ARFGAP2: variants seen among roughly 807,000 people sequenced by gnomAD.
The protein encoded by ARFGAP2 is ADP-ribosylation factor GTPase-activating protein 2.
In ARFGAP2, 45 loss-of-function variants were observed where a neutral mutation model predicts 71.9. The observed-to-expected ratio is 0.63, with a 90% CI of 0.49 to 0.80. ARFGAP2 has a LOEUF of 0.80. ARFGAP2 is among the 30% of genes least tolerant of loss of function. The pLI is 0.00. For missense variants in ARFGAP2, 633 were observed against 673.9 expected (o/e 0.94, Z 0.67); for synonymous variants, 248 against 249.2 (o/e 1.00, Z 0.05).
intron 5 of ARFGAP2, chr11:47,174,071 C>T: frequency 1.4e-6 from 1 of 720,980 alleles, no homozygotes; most frequent in Non-Finnish European, 2.2e-6. Flanking sequence ...AGCCCATTCT[C>T]CTAACTTAAA....
rs1409113356 is a variant in ARFGAP2, at chr11:47,176,821, C to T, written c.33G>A (p.Gln11=). The change falls in exon 1 of 16, where the codon CAG becomes CAA. Residue 11 remains glutamine, a synonymous_variant. Coordinates refer to ENST00000524782, the MANE Select transcript of ARFGAP2 (RefSeq NM_032389.6). MAAEPNKTEI[Q]TLFKRLRAVP... ...CTGCGCGAAGCCTCTTAAAAAGAGT[C>T]TGGATTTCGGTCTTGTTCGGCTCCG... 6.2e-7 allele frequency: 1 copy of T among 1,613,906 alleles called. No individual in the cohort carries two copies. Among genetic ancestry groups the T allele is most frequent in the African/African-American group, 1.3e-5 (1 of 74,948 alleles).
chr11:47,176,563 G>A lies in ARFGAP2; in HGVS notation c.144C>T (p.Asp48=), dbSNP rs774712629. The part of the protein sequence containing the change: ...SITYGVFLCI[D]CSGVHRSLGV... ...CCAGGGAGCGGTGCACCCCGGAACAGTCAATGCACAAGAAAACACCGTACG... is the reference window on the plus strand; with the variant it reads ...CCAGGGAGCGGTGCACCCCGGAACAATCAATGCACAAGAAAACACCGTACG... Residue 48 remains aspartate (D), a synonymous_variant, in exon 2 of 16, where the codon GAC becomes GAT. Transcript: ENST00000524782. 1.7e-5 allele frequency: 27 copies of A among 1,613,910 alleles called. No individual in the cohort carries two copies. In the African/African-American group the frequency reaches 1.7e-4, roughly 10 times the overall value.
At chr11:47,171,323 T>C in intron 10 of ARFGAP2, 103 bp downstream of exon 10, 1 of 1,538,490 alleles carries the variant, frequency 6.5e-7, no homozygotes, top group East Asian at 2.2e-5. Flanking sequence ...CTATTCAGAC[T>C]TGGAGAAACA....
chr11:47,173,317 C>A, intron 7 of ARFGAP2, 109 bp downstream of exon 7: 1 of 1,249,846 alleles, frequency 8.0e-7, no homozygotes, highest in South Asian at 1.3e-5. Context: ...GATAGATGCT[C>A]AGTCTCCTGT....
chr11:47,172,406 A>G, intron 7 of ARFGAP2, 73 bp from the exon 8 acceptor site: 1 of 1,529,078 alleles, frequency 6.5e-7, no homozygotes. Flanking sequence ...TACACCATGC[A>G]GCTTCATGGC....
At chr11:47,172,554 TGAAGCACCAGAGACGTCC>T (rs962823318) in intron 7 of ARFGAP2, among the ~76,000 whole-genome samples, 19 of 152,136 alleles carry the variant, frequency 1.2e-4, no homozygotes, top group African/African-American at 3.4e-4. Flanking sequence ...AACCTAGACC[TGAAGCACCAGAGACGTCC>T]GAAGCACCAG....
chr11:47,175,895 A>G lies in ARFGAP2; in HGVS notation c.220T>C (p.Trp74Arg). The change falls in exon 3 of 16, where the codon TGG (tryptophan) becomes CGG (arginine). Residue 74 changes from tryptophan to arginine, a missense_variant. By Grantham distance (101) the Trp-to-Arg change is moderately radical. Coordinates refer to ENST00000524782, the MANE Select transcript of ARFGAP2 (RefSeq NM_032389.6). Reference sequence around the variant, plus strand: ...ACCTGCATACACCTCAGCTGGAACCAGTTCCAGTTGGAATCCAACTCTGTG... The same window carrying G: ...ACCTGCATACACCTCAGCTGGAACCGGTTCCAGTTGGAATCCAACTCTGTG... ...RSTELDSNWN[W>R]FQLRCMQVGG... 6.2e-7 allele frequency: 1 copy of G among 1,614,146 alleles called. No homozygotes were observed. The highest frequency in any genetic ancestry group is 8.5e-7 in the Non-Finnish European group (1 of 1,180,012).
chr11:47,170,047 G>A (rs900401713), intron 10 of ARFGAP2, among the ~76,000 whole-genome samples: 3 of 152,080 alleles, frequency 2.0e-5, no homozygotes, highest in Non-Finnish European at 4.4e-5. Flanking sequence ...TCCAAGCACT[G>A]GGCGCCGTGG....
intron 7 of ARFGAP2, chr11:47,172,753 T>C (rs1952653681): frequency 2.3e-6 from 3 of 1,293,072 alleles, no homozygotes; most frequent in African/African-American, 1.5e-5. Context: ...ACACGGACTC[T>C]GGAGGAGAAA....
rs775997570 is a variant in ARFGAP2 at position 47,175,245 on chromosome 11, G to A, written c.333C>T (p.Ala111=). 6.2e-7 allele frequency: 1 copy of A among 1,614,144 alleles called. No homozygotes were observed. The highest frequency in any genetic ancestry group is 1.1e-5 in the South Asian group (1 of 91,068). Residue 111 remains alanine (A), a synonymous_variant, in exon 4 of 16, where the codon GCC becomes GCT. Coordinates refer to ENST00000524782, the MANE Select transcript of ARFGAP2 (RefSeq NM_032389.6). The part of the protein sequence containing the change: ...DANTKYNSRA[A]QMYREKIRQL... ...GCCGGATCTTCTCCCGGTACATCTGGGCAGCTCGGCTATTATATTTGGTGT... is the reference window on the plus strand; with the variant it reads ...GCCGGATCTTCTCCCGGTACATCTGAGCAGCTCGGCTATTATATTTGGTGT...
chr11:47,171,915 A>G (rs976538140), intron 8 of ARFGAP2, 115 bp from the exon 9 acceptor site: 6 of 1,442,242 alleles, frequency 4.2e-6, no homozygotes, highest in South Asian at 4.0e-5. Flanking sequence ...AATTTAGGGT[A>G]AAAAACAGGA....
At chr11:47,172,449 A>G (rs1193996690) in intron 7 of ARFGAP2, 116 bp from the exon 8 acceptor site, 2 of 1,303,612 alleles carry the variant, frequency 1.5e-6, no homozygotes, top group Non-Finnish European at 2.2e-6. Flanking sequence ...AGGCAAGGGA[A>G]GGCAAAGCTG....
rs1952295222 is a variant in ARFGAP2 at position 47,165,078 on chromosome 11, C to T, written c.*404G>A. On this transcript the variant is annotated 3_prime_UTR_variant, in exon 16 of 16. Coordinates refer to ENST00000524782, the MANE Select transcript of ARFGAP2 (RefSeq NM_032389.6). Reference sequence around the variant, plus strand: ...TCCAGAGGATGGGGACCCAAGGCCTCGAACTAGAAGAACCCTAGAGCCAGC... The same window carrying T: ...TCCAGAGGATGGGGACCCAAGGCCTTGAACTAGAAGAACCCTAGAGCCAGC... 6 of 183,328 alleles carry T rather than the reference C, an allele frequency of 3.3e-5. No homozygotes were observed. Among genetic ancestry groups the T allele is most frequent in the South Asian group, 2.0e-4 (1 of 5,102 alleles). The allele number at this position is 183,328 out of a possible 1,614,324, so 11.4% of individuals were successfully genotyped here. A position where few individuals can be genotyped will look rare whatever the true frequency, so the allele number is the denominator to read the frequency against.
chr11:47,175,504 C>A, intron 3 of ARFGAP2, 191 bp from the exon 4 acceptor site: 1 of 859,558 alleles, frequency 1.2e-6, no homozygotes, highest in Non-Finnish European at 1.8e-6. Flanking sequence ...GCGGGCCATC[C>A]TCTGATATGA....
At chr11:47,173,259 C>A in intron 7 of ARFGAP2, 167 bp downstream of exon 7, 1 of 815,612 alleles carries the variant, frequency 1.2e-6, no homozygotes, top group South Asian at 1.6e-5. Flanking sequence ...GCTCTAAAAT[C>A]AGTGTTGCAT....
intron 3 of ARFGAP2, 36 bp from the exon 4 acceptor site, chr11:47,175,349 G>A: frequency 1.9e-6 from 3 of 1,613,632 alleles, no homozygotes; most frequent in Non-Finnish European, 2.5e-6. Flanking sequence ...CGTGCTACGG[G>A]TGATTCTCAA....
Position 47,164,369 on chromosome 11 carries a change from A to C in ARFGAP2, c.*1113T>G. ...TTTGACACCACTTTGTTTCAATACA[A>C]ACAGTCCAGAAAGAAAGTCAAGTCC... On this transcript the variant is annotated 3_prime_UTR_variant, in exon 16 of 16. Coordinates refer to ENST00000524782, the MANE Select transcript of ARFGAP2 (RefSeq NM_032389.6). 8.5e-7 allele frequency: 1 copy of C among 1,177,826 alleles called. No homozygotes were observed. The allele number at this position is 1,177,826 out of a possible 1,614,324, so 73.0% of individuals were successfully genotyped here. A position where few individuals can be genotyped will look rare whatever the true frequency, so the allele number is the denominator to read the frequency against.
intron 8 of ARFGAP2, 109 bp from the exon 9 acceptor site, chr11:47,171,909 T>C: frequency 1.3e-6 from 2 of 1,485,016 alleles, no homozygotes; most frequent in Non-Finnish European, 1.8e-6. Context: ...TCTTAAAATT[T>C]AGGGTAAAAA....
intron 7 of ARFGAP2, 136 bp from the exon 8 acceptor site, chr11:47,172,469 G>T: frequency 8.7e-7 from 1 of 1,150,148 alleles, no homozygotes; most frequent in Non-Finnish European, 1.3e-6. Context: ...GCCACCACCA[G>T]CTCCAACCAG....
Sources: allele counts gnomAD v4.1 joint callset (sites outside exome capture counted in the v4.1 genomes callset), GRCh38; gene constraint gnomAD v4.1.1; transcripts MANE v1.5; gene names NCBI Gene and HGNC (gene_info 2026-07-23, HGNC 2026-07-21).